Variants in UNC80 observed in about 807,000 individuals in gnomAD.
The protein encoded by UNC80 is unc-80 subunit of NALCN channel complex.
UNC80 carries 164 observed loss-of-function variants against 384.6 expected under a neutral mutation model. The ratio of observed to expected loss-of-function variants is 0.43; its 90% CI spans 0.38 to 0.49. The LOEUF (loss-of-function observed/expected upper bound fraction) is 0.49. Ranked by LOEUF, UNC80 falls within the 20% of genes least tolerant of loss-of-function variation. UNC80 has a pLI of 0.00. For missense variants in UNC80, 3,330 were observed against 4,143.0 expected (o/e 0.80, Z 5.39); for synonymous variants, 1,486 against 1,527.8 (o/e 0.97, Z 0.64).
chr2:209,952,674 T>C (rs545906236), intron 47 of UNC80, among the ~76,000 whole-genome samples: 5 of 152,340 alleles, frequency 3.3e-5, no homozygotes, highest in Admixed American at 1.3e-4. Context: ...CTCCCAGAAG[T>C]CTGGTACCTC....
At chr2:209,959,050 T>C in intron 49 of UNC80, 69 bp from the exon 50 acceptor site, 1 of 1,376,692 alleles carries the variant, frequency 7.3e-7, no homozygotes, top group Non-Finnish European at 1.0e-6. Flanking sequence ...TGAAAGTCGA[T>C]AAGAAGCCCC....
At chr2:209,992,967 TC>T (rs2093419175) in intron 62 of UNC80, among the ~76,000 whole-genome samples, 1 of 152,182 alleles carries the variant, frequency 6.6e-6, no homozygotes, top group South Asian at 2.1e-4. Context: ...AAAATAAACT[TC>T]CCCTTTGAAA....
At chr2:209,924,911 G>C (rs2090311035) in intron 35 of UNC80, among the ~76,000 whole-genome samples, 1 of 151,678 alleles carries the variant, frequency 6.6e-6, no homozygotes, top group Non-Finnish European at 1.5e-5. Flanking sequence ...ACAATTCTCT[G>C]GTGTTGAGGC....
chr2:209,809,492 A>G (rs751306334), intron 7 of UNC80: 30 of 1,266,458 alleles, frequency 2.4e-5, no homozygotes, highest in Non-Finnish European at 3.5e-5. Context: ...GTCAAGAAGT[A>G]CCAGTGCCAG....
At chr2:209,894,045 G>C (rs2086592034) in intron 26 of UNC80, 118 bp from the exon 27 acceptor site, 1 of 610,576 alleles carries the variant, frequency 1.6e-6, no homozygotes, top group South Asian at 7.2e-5. Context: ...TCCTTGTCCA[G>C]AGTGCTCATC....
In UNC80 at chr2:209,925,600, G is replaced by C. The variant is rs562337486; in HGVS notation, c.5663-1243G>C. Among the ~76,000 whole-genome samples, 27 of 152,200 alleles carry C rather than the reference G, an allele frequency of 1.8e-4. 2 individuals carry two copies. The South Asian group carries it at 5.4e-3, about 30-fold the overall frequency. ...CCCACATCCATTGGTCCCTTTTACA[G>C]AGCGCTGATTGGTCCATTTTACAGA... is the stretch of plus-strand genomic sequence containing the variant. On this transcript the variant is annotated intron_variant, in intron 35 of 64. Transcript: ENST00000673920.
In UNC80 at chr2:209,817,092, A is replaced by G; in HGVS notation, c.1519A>G (p.Ile507Val). The G allele has an allele frequency of 6.4e-7, 1 of 1,551,652 alleles. No homozygotes were observed. The highest frequency in any genetic ancestry group is 8.7e-7 in the Non-Finnish European group (1 of 1,146,966). Reference protein sequence around the residue: ...FSGLGEDRRGIEKGGWQTTIL... With the variant: ...FSGLGEDRRGVEKGGWQTTIL... ...TGGGCTGGGAGAAGACAGGCGAGGA[A>G]TTGAGAAAGGAGGCTGGCAAACCAC... The change falls in exon 10 of 65, where the codon ATT (isoleucine) becomes GTT (valine). Residue 507 changes from isoleucine to valine, a missense_variant. Coordinates refer to ENST00000673920, the MANE Select transcript of UNC80 (RefSeq NM_001371986.1).
Position 209,817,850 on chromosome 2 carries a change from G to A in UNC80, c.1591G>A (p.Glu531Lys). 6.4e-7 allele frequency: 1 copy of A among 1,551,646 alleles called. No homozygotes were observed. The highest frequency in any genetic ancestry group is 1.4e-5 in the African/African-American group (1 of 73,144). Residue 531 changes from glutamate to lysine, a missense_variant, in exon 11 of 65, where the codon GAG becomes AAG. Glu to Lys is a moderately conservative substitution (Grantham distance 56). Coordinates refer to ENST00000673920, the MANE Select transcript of UNC80 (RefSeq NM_001371986.1). ...GCGAGGCAGTTCAGATGCAGCCACT[G>A]AGATGGAGAGTCTGAGCGCCAGGCA... ...TRRGSSDAATEMESLSARHSH... is the reference protein window; with the variant it reads ...TRRGSSDAATKMESLSARHSH...
At chr2:209,923,146 C>A (rs1003931695) in intron 35 of UNC80, among the ~76,000 whole-genome samples, 1 of 152,082 alleles carries the variant, frequency 6.6e-6, no homozygotes, top group African/African-American at 2.4e-5. Context: ...AAGCGAGTGT[C>A]TTTTTTATTT....
intron 1 of UNC80, 86 bp from the exon 2 acceptor site, chr2:209,773,008 C>A: frequency 9.1e-7 from 1 of 1,095,730 alleles, no homozygotes; most frequent in Non-Finnish European, 1.4e-6. Flanking sequence ...AGCATCCTGT[C>A]TTATTCATTG....
Position 209,894,353 on chromosome 2 carries a change from T to G in UNC80, c.4467T>G (p.Thr1489=). Residue 1489 remains threonine, a synonymous_variant, in exon 27 of 65, where the codon ACT becomes ACG. Coordinates refer to ENST00000673920, the MANE Select transcript of UNC80 (RefSeq NM_001371986.1). ...EELQLSQSRD[T]VTDLEGSPWS... is the part of the protein sequence containing the mutation. ...TGCAGCTGTCCCAGAGCAGGGACACTGTCACTGACCTAGGTAACATAGAGG... is the reference window on the plus strand; with the variant it reads ...TGCAGCTGTCCCAGAGCAGGGACACGGTCACTGACCTAGGTAACATAGAGG... 9.1e-6 allele frequency: 9 copies of G among 985,306 alleles called. No individual in the cohort carries two copies. Among genetic ancestry groups the G allele is most frequent in the Non-Finnish European group, 1.1e-5 (9 of 829,860 alleles). 61.0% of individuals were successfully genotyped at this position (985,306 alleles called of 1,614,324 possible).
At chr2:209,879,380 T>G (rs925129684) in intron 24 of UNC80, among the ~76,000 whole-genome samples, 3 of 152,196 alleles carry the variant, frequency 2.0e-5, no homozygotes, top group Admixed American at 6.5e-5. Context: ...TGAATCTCCA[T>G]TAGACTGCAT....
In UNC80 at chr2:209,939,474, G is replaced by A; in HGVS notation, c.6468G>A (p.Val2156=). The change falls in exon 43 of 65, where the codon GTG becomes GTA. Residue 2156 remains valine (V), a splice_region_variant and synonymous_variant. Transcript: ENST00000673920. ...GCTCCTGCTTTTGTTTTCTCCAGGT[G>A]TTCACCCGAAAGCTGGAAGAAGTAG... The part of the protein sequence containing the change: ...EKGQELIQKQ[V]FTRKLEEVGR... 6.5e-7 allele frequency: 1 copy of A among 1,548,734 alleles called. No individual in the cohort carries two copies. Among genetic ancestry groups the A allele is most frequent in the East Asian group, 2.4e-5 (1 of 40,876 alleles).
intron 18 of UNC80, among the ~76,000 whole-genome samples, chr2:209,837,520 T>A (rs563012269): frequency 6.6e-6 from 1 of 152,314 alleles, no homozygotes; most frequent in East Asian, 1.9e-4. Flanking sequence ...GTGTACTTTT[T>A]TCCCCCAATT....
chr2:209,866,517 C>T (rs1002579054), intron 22 of UNC80, among the ~76,000 whole-genome samples: 5 of 140,566 alleles, frequency 3.6e-5, no homozygotes, highest in Admixed American at 7.2e-5. Context: ...CACACACACA[C>T]ACACACACAC....
At chr2:209,942,380 C>G (rs189650863) in intron 44 of UNC80, among the ~76,000 whole-genome samples, 3 of 152,086 alleles carry the variant, frequency 2.0e-5, no homozygotes, top group Non-Finnish European at 4.4e-5. Context: ...ATGTTTCTCC[C>G]GAGAGATTCC....
chr2:209,884,803 A>G (rs935730969), intron 25 of UNC80, among the ~76,000 whole-genome samples: 18 of 152,168 alleles, frequency 1.2e-4, no homozygotes, highest in African/African-American at 4.1e-4. Context: ...AGGAACAGAA[A>G]ACCAAACACC....
chr2:209,855,105 C>G (rs1203980535), intron 22 of UNC80, among the ~76,000 whole-genome samples: 2 of 152,158 alleles, frequency 1.3e-5, no homozygotes, highest in Admixed American at 6.5e-5. Context: ...ACATAGAATA[C>G]TATGCAGCCA....
intron 21 of UNC80, 26 bp from the exon 22 acceptor site, chr2:209,849,425 C>T (rs1559195093): frequency 1.3e-6 from 2 of 1,549,410 alleles, no homozygotes; most frequent in Admixed American, 2.0e-5. Flanking sequence ...CTCTTTCATT[C>T]CTCCACCATG....
Sources: gnomAD v4.1 joint callset for allele counts (sites outside exome capture counted in the v4.1 genomes callset) on GRCh38, gnomAD v4.1.1 for gene constraint, MANE v1.5 for transcripts, NCBI Gene and HGNC (gene_info 2026-07-23, HGNC 2026-07-21) for gene names.